Variants in NAALADL2 observed in about 807,000 individuals in gnomAD.
The protein encoded by NAALADL2 is inactive N-acetylated-alpha-linked acidic dipeptidase-like protein 2.
NAALADL2 carries 76 observed loss-of-function variants against 87.2 expected under a neutral mutation model. The ratio of observed to expected loss-of-function variants is 0.87; its 90% CI spans 0.72 to 1.05. NAALADL2 has a LOEUF of 1.05. NAALADL2 is among the 50% of genes least tolerant of loss of function. NAALADL2 has a pLI of 0.00. For synonymous variants in NAALADL2, 354 were observed against 331.0 expected (o/e 1.07, Z -0.75); for missense variants, 1,089 against 945.8 (o/e 1.15, Z -1.99).
intron 3 of NAALADL2, among the ~76,000 whole-genome samples, chr3:174,803,578 T>A: frequency 6.6e-6 from 1 of 151,594 alleles, no homozygotes. Flanking sequence ...GCCTAGGTTT[T>A]ATTCTAGGGT....
intron 10 of NAALADL2, among the ~76,000 whole-genome samples, chr3:175,615,784 G>A (rs1725262581): frequency 6.6e-6 from 1 of 151,344 alleles, no homozygotes; most frequent in Non-Finnish European, 1.5e-5. Flanking sequence ...TTGAACTCAG[G>A]ATGCGGTGGG....
intron 1 of NAALADL2, among the ~76,000 whole-genome samples, chr3:174,894,820 A>C (rs73045500): frequency 0.024 from 3,681 of 152,016 alleles, 133 homozygotes; most frequent in African/African-American, 0.078. Flanking sequence ...CAAAAACCTG[A>C]AATAATATCA....
At position 175,117,264 on chromosome 3, in the gene NAALADL2, G is replaced by T. The variant is rs570018249; in HGVS notation, c.545+19973G>T. Among the ~76,000 whole-genome samples, 6 of 94,644 alleles carry T rather than the reference G, an allele frequency of 6.3e-5. No homozygotes were observed. The East Asian group carries it at 2.0e-3, about 31-fold the overall frequency. 62.1% of individuals were successfully genotyped at this position (94,644 alleles called of 152,430 possible). The stretch of plus-strand genomic sequence containing the variant: ...AACAAAAGCCAAAATTGACAAATGG[G>T]ATCTAATTAAACTAAAGAGCTTCTG... On this transcript the variant is annotated intron_variant, in intron 2 of 13. Coordinates refer to ENST00000454872, the MANE Select transcript of NAALADL2 (RefSeq NM_207015.3).
At chr3:174,736,310 G>A (rs1190334732) in intron 2 of NAALADL2, among the ~76,000 whole-genome samples, 1 of 152,188 alleles carries the variant, frequency 6.6e-6, no homozygotes, top group Non-Finnish European at 1.5e-5. Flanking sequence ...TGGGTCCTGA[G>A]TTCTTGTCCT....
rs1177867993 is a variant in NAALADL2, at chr3:174,707,228, A to G, written c.-114-30413A>G. 9.9e-5 allele frequency among the ~76,000 whole-genome samples: 15 copies of G among 152,180 alleles called. No homozygotes were observed. The East Asian group carries it at 2.9e-3, about 29-fold the overall frequency. On this transcript the variant is annotated intron_variant, in intron 2 of 3. Transcript: ENST00000434257. ...TAAACTAGTTCAACCGTTGTGGAAGACAGTGTGGCGATTCCTCGGGGATCT... is the reference window on the plus strand; with the variant it reads ...TAAACTAGTTCAACCGTTGTGGAAGGCAGTGTGGCGATTCCTCGGGGATCT...
intron 2 of NAALADL2, among the ~76,000 whole-genome samples, chr3:175,099,108 C>G (rs2108393045): frequency 6.6e-6 from 1 of 152,048 alleles, no homozygotes; most frequent in Admixed American, 6.6e-5. Flanking sequence ...CTTTCTTTGT[C>G]TTACTTGTTT....
intron 9 of NAALADL2, among the ~76,000 whole-genome samples, chr3:175,526,386 C>G (rs1247276982): frequency 6.6e-6 from 1 of 152,088 alleles, no homozygotes; most frequent in Non-Finnish European, 1.5e-5. Flanking sequence ...ATTCCCTATC[C>G]TTGCTCTTTA....
chr3:174,687,995 T>C (rs1358009890), intron 2 of NAALADL2, among the ~76,000 whole-genome samples: 1 of 152,202 alleles, frequency 6.6e-6, no homozygotes, highest in African/African-American at 2.4e-5. Context: ...CCACTTTTTC[T>C]TTATAAATTA....
At chr3:175,388,771 AT>A (rs926700063) in intron 5 of NAALADL2, among the ~76,000 whole-genome samples, 1 of 152,036 alleles carries the variant, frequency 6.6e-6, no homozygotes. Context: ...TGGATTGGTC[AT>A]TTTTTATAAC....
chr3:175,026,271 G>T (rs1752212019), intron 1 of NAALADL2, among the ~76,000 whole-genome samples: 1 of 151,992 alleles, frequency 6.6e-6, no homozygotes, highest in South Asian at 2.1e-4. Flanking sequence ...GTAATCTCAT[G>T]CACTTTGGAG....
chr3:175,101,907 A>G (rs557752641), intron 2 of NAALADL2, among the ~76,000 whole-genome samples: 1 of 151,308 alleles, frequency 6.6e-6, no homozygotes, highest in South Asian at 2.1e-4. Flanking sequence ...TAAGTGCAAT[A>G]TGTACAGAAA....
chr3:175,396,669 T>C (rs1200907875), intron 5 of NAALADL2, among the ~76,000 whole-genome samples: 3 of 152,184 alleles, frequency 2.0e-5, no homozygotes, highest in African/African-American at 7.2e-5. Flanking sequence ...TCTTGAATTG[T>C]AGTTCCCATA....
At chr3:175,312,538 A>T (rs569066616) in intron 4 of NAALADL2, among the ~76,000 whole-genome samples, 54 of 152,192 alleles carry the variant, frequency 3.5e-4, no homozygotes, top group African/African-American at 1.2e-3. Context: ...TGTAAGAAGC[A>T]TTTGATGTGT....
intron 5 of NAALADL2, among the ~76,000 whole-genome samples, chr3:175,361,356 A>T (rs1560429467): frequency 6.7e-6 from 1 of 148,400 alleles, no homozygotes; most frequent in Non-Finnish European, 1.5e-5. Context: ...TAGAAGCATG[A>T]TGTATAATCC....
rs1006766900 is a variant in NAALADL2 at position 175,368,251 on chromosome 3, G to A, written c.1090+43926G>A. ...AGCTTTTTGATGTGCTGCTGGATTC[G>A]GGTTGCCAGTATTTTATTGAGGATT... On this transcript the variant is annotated intron_variant, in intron 5 of 13. Coordinates refer to ENST00000454872, the MANE Select transcript of NAALADL2 (RefSeq NM_207015.3). 7.9e-5 allele frequency among the ~76,000 whole-genome samples: 12 copies of A among 152,172 alleles called. No individual in the cohort carries two copies. The South Asian group carries it at 1.7e-3, about 21-fold the overall frequency.
intron 1 of NAALADL2, among the ~76,000 whole-genome samples, chr3:174,912,686 T>C (rs922271211): frequency 1.3e-5 from 2 of 152,180 alleles, no homozygotes; most frequent in Non-Finnish European, 2.9e-5. Context: ...GATGGAAAAT[T>C]TCTAGATAGA....
At chr3:175,554,425 T>A (rs913561725) in intron 9 of NAALADL2, among the ~76,000 whole-genome samples, 1 of 152,128 alleles carries the variant, frequency 6.6e-6, no homozygotes, top group Admixed American at 6.6e-5. Context: ...ACATAATATA[T>A]CATGACATGT....
intron 1 of NAALADL2, among the ~76,000 whole-genome samples, chr3:174,453,573 A>G (rs1369495253): frequency 6.6e-6 from 1 of 152,236 alleles, no homozygotes; most frequent in Non-Finnish European, 1.5e-5. Context: ...ACATTTCTGT[A>G]GAAACCCCAC....
At chr3:175,066,668 A>T (rs555015565) in intron 1 of NAALADL2, among the ~76,000 whole-genome samples, 3 of 152,116 alleles carry the variant, frequency 2.0e-5, no homozygotes, top group East Asian at 1.9e-4. Context: ...ATTCTTGTTT[A>T]AAAAAAAGTC....
Sources: gnomAD v4.1 joint callset for allele counts (sites outside exome capture counted in the v4.1 genomes callset) on GRCh38, gnomAD v4.1.1 for gene constraint, MANE v1.5 for transcripts, NCBI Gene and HGNC (gene_info 2026-07-23, HGNC 2026-07-21) for gene names.